The following GRM5 variants were observed in gnomAD, a reference collection of about 807,000 sequenced individuals.
GRM5 encodes glutamate metabotropic receptor 5, also known as metabotropic glutamate receptor 5.
In GRM5, 19 loss-of-function variants were observed where a neutral mutation model predicts 83.1. The observed-to-expected ratio is 0.23, with a 90% CI of 0.16 to 0.34. The LOEUF (loss-of-function observed/expected upper bound fraction) is 0.34, where lower values mean the gene tolerates loss of function less well. Ranked by LOEUF, GRM5 falls within the 10% of genes least tolerant of loss-of-function variation. The pLI is 1.00. For synonymous variants in GRM5, 675 were observed against 633.6 expected (o/e 1.07, Z -0.98); for missense variants, 1,160 against 1,588.3 (o/e 0.73, Z 4.58).
rs181012362 is a variant in GRM5 at position 88,722,016 on chromosome 11, G to T, written c.912-68613C>A. Among the ~76,000 whole-genome samples the T allele has an allele frequency of 1.2e-4, 19 of 152,242 alleles. 1 individual carries two copies. The East Asian group carries it at 3.5e-3, about 28-fold the overall frequency. On this transcript the variant is annotated intron_variant, in intron 3 of 9. Coordinates refer to ENST00000305447, the MANE Select transcript of GRM5 (RefSeq NM_001143831.3). ...TTTTCACAAGCTGAACACATGGCCC[G>T]ACACTGGGTATTTGGTCAATTCACA...
chr11:88,667,908 GA>G (rs75257465), intron 3 of GRM5, among the ~76,000 whole-genome samples: 22,723 of 150,384 alleles, frequency 0.15, 1,861 homozygotes, highest in East Asian at 0.21. Flanking sequence ...AAAAAAAAAA[GA>G]AAAAAAATGT....
At chr11:88,572,673 C>T (rs1943027999) in intron 7 of GRM5, among the ~76,000 whole-genome samples, 2 of 152,182 alleles carry the variant, frequency 1.3e-5, no homozygotes, top group South Asian at 4.1e-4. Flanking sequence ...GATAACTACC[C>T]TTACTATGTA....
intron 4 of GRM5, among the ~76,000 whole-genome samples, chr11:88,651,670 G>C (rs1198048916): frequency 6.6e-6 from 1 of 152,010 alleles, no homozygotes; most frequent in Non-Finnish European, 1.5e-5. Context: ...TTGAGGATTT[G>C]GTCAGAGTTA....
In GRM5 at chr11:88,508,598, C is replaced by A. The variant is rs183106472; in HGVS notation, c.3633G>T (p.Ser1211=). 48 of 1,607,602 alleles carry A rather than the reference C, an allele frequency of 3.0e-5. 1 individual carries two copies. The East Asian group carries it at 1.1e-3, about 36-fold the overall frequency. The change falls in exon 10 of 10, where the codon TCG becomes TCT. Residue 1211 remains serine (S), a synonymous_variant. Coordinates refer to ENST00000305447, the MANE Select transcript of GRM5 (RefSeq NM_001143831.3). The surrounding 1 kb of genome is among the most constrained non-coding windows in gnomAD (Gnocchi z 4.2). ...IIRDYTQSSS[S]L ...GCGTGCTTTCCAGGGACATTCACAACGACGAGGAGCTCTGAGTGTAATCTC... is the reference window on the plus strand; with the variant it reads ...GCGTGCTTTCCAGGGACATTCACAAAGACGAGGAGCTCTGAGTGTAATCTC...
chr11:88,550,886 C>A (rs1942492504), intron 8 of GRM5, among the ~76,000 whole-genome samples: 1 of 152,154 alleles, frequency 6.6e-6, no homozygotes, highest in Admixed American at 6.6e-5. Flanking sequence ...ACTCTAGAGA[C>A]AAACTGCTTA....
At chr11:88,577,924 A>G (rs577233752) in intron 7 of GRM5, among the ~76,000 whole-genome samples, 92 of 152,220 alleles carry the variant, frequency 6.0e-4, no homozygotes, top group Non-Finnish European at 9.1e-4. Flanking sequence ...CTACATCTCA[A>G]GGATTAGTGT....
At chr11:88,785,273 C>G (rs1206704965) in intron 3 of GRM5, among the ~76,000 whole-genome samples, 1 of 152,012 alleles carries the variant, frequency 6.6e-6, no homozygotes, top group African/African-American at 2.4e-5. Context: ...GAACTAATTA[C>G]ATACTTTGGC....
intron 3 of GRM5, among the ~76,000 whole-genome samples, chr11:88,663,200 G>C (rs1297928385): frequency 6.6e-6 from 1 of 152,144 alleles, no homozygotes; most frequent in Non-Finnish European, 1.5e-5. Flanking sequence ...TTACAAAGAC[G>C]TGGGGATTAC....
intron 2 of GRM5, among the ~76,000 whole-genome samples, chr11:88,985,042 G>T (rs940625602): frequency 6.6e-6 from 1 of 151,664 alleles, no homozygotes; most frequent in Non-Finnish European, 1.5e-5. Context: ...TTTGATACAG[G>T]TACAGTCTAA....
chr11:88,641,994 A>G (rs2135287542), intron 4 of GRM5, among the ~76,000 whole-genome samples: 1 of 152,194 alleles, frequency 6.6e-6, no homozygotes. Context: ...CCAAGCCCAC[A>G]TTTCCTATCC....
At chr11:88,900,543 T>C (rs1945297408) in intron 2 of GRM5, among the ~76,000 whole-genome samples, 1 of 152,090 alleles carries the variant, frequency 6.6e-6, no homozygotes, top group Non-Finnish European at 1.5e-5. Context: ...AATGATCATT[T>C]TGAATATCTA....
At chr11:88,624,190 T>A (rs1002037756) in intron 4 of GRM5, among the ~76,000 whole-genome samples, 4 of 152,208 alleles carry the variant, frequency 2.6e-5, no homozygotes, top group Admixed American at 6.5e-5. Flanking sequence ...AGCCAAATTA[T>A]TAAAGAAAAT....
At chr11:88,608,523 T>TTTTTTG in intron 4 of GRM5, among the ~76,000 whole-genome samples, 1 of 145,818 alleles carries the variant, frequency 6.9e-6, no homozygotes. Flanking sequence ...GATTTTTTTT[T>TTTTTTG]TTTTTTTTTT....
intron 2 of GRM5, among the ~76,000 whole-genome samples, chr11:88,860,121 C>T (rs4753765): frequency 0.42 from 63,531 of 152,070 alleles, 13,510 homozygotes; most frequent in East Asian, 0.57. Context: ...TTGGAATATT[C>T]CAAGCTTTTA....
At chr11:88,932,848 C>T (rs1479080881) in intron 2 of GRM5, among the ~76,000 whole-genome samples, 2 of 151,850 alleles carry the variant, frequency 1.3e-5, no homozygotes, top group African/African-American at 4.8e-5. Flanking sequence ...TAAATAAAGT[C>T]TCTAATGTTT....
intron 8 of GRM5, among the ~76,000 whole-genome samples, chr11:88,542,024 A>G (rs1165687171): frequency 6.6e-6 from 1 of 152,178 alleles, no homozygotes. Flanking sequence ...TACCTGCTTA[A>G]CATTTGGCCA....
At chr11:88,794,264 T>C (rs1343939301) in intron 3 of GRM5, among the ~76,000 whole-genome samples, 1 of 152,146 alleles carries the variant, frequency 6.6e-6, no homozygotes, top group Admixed American at 6.6e-5. Flanking sequence ...GCCTCTAATG[T>C]TACCCCATGT....
chr11:88,704,209 T>C (rs1386991189), intron 3 of GRM5, among the ~76,000 whole-genome samples: 1 of 152,076 alleles, frequency 6.6e-6, no homozygotes, highest in Non-Finnish European at 1.5e-5. Context: ...CACCTCCAAA[T>C]ACCATCACAT....
At chr11:88,966,033 A>G (rs1938949131) in intron 2 of GRM5, among the ~76,000 whole-genome samples, 1 of 152,176 alleles carries the variant, frequency 6.6e-6, no homozygotes, top group Non-Finnish European at 1.5e-5. Flanking sequence ...TACGAAAGTA[A>G]AAATCATACA....
Sources: allele counts gnomAD v4.1 joint callset (sites outside exome capture counted in the v4.1 genomes callset), GRCh38; gene constraint gnomAD v4.1.1; non-coding constraint Gnocchi (gnomAD v3.1); transcripts MANE v1.5; gene names NCBI Gene and HGNC (gene_info 2026-07-23, HGNC 2026-07-21).